The following SGCZ variants were observed in gnomAD, a reference collection of about 807,000 sequenced individuals.
SGCZ encodes zeta-sarcoglycan.
A neutral mutation model predicts 41.3 loss-of-function variants in SGCZ; 40 were observed. The ratio of observed to expected loss-of-function variants is 0.97; its 90% CI spans 0.75 to 1.26. SGCZ has a LOEUF of 1.26. SGCZ is among the 50% of genes most tolerant of loss of function. The probability of loss-of-function intolerance (pLI) is 0.00; values close to 1 mark genes in which losing one functional copy is unlikely to be tolerated. For missense variants in SGCZ, 552 were observed against 369.8 expected (o/e 1.49, Z -4.04); for synonymous variants, 206 against 137.5 (o/e 1.50, Z -3.49).
At chr8:15,079,140 A>C (rs73522889) in intron 1 of SGCZ, among the ~76,000 whole-genome samples, 2 of 152,204 alleles carry the variant, frequency 1.3e-5, no homozygotes, top group Admixed American at 1.3e-4. Context: ...TGACTTTTAC[A>C]TTCTTTTTTG....
At chr8:14,656,241 C>T (rs998987124) in intron 1 of SGCZ, among the ~76,000 whole-genome samples, 8 of 151,958 alleles carry the variant, frequency 5.3e-5, no homozygotes, top group African/African-American at 1.7e-4. Flanking sequence ...GTTTCCACAT[C>T]CTCACCAGAA....
chr8:14,215,736 A>T (rs1470433505), intron 4 of SGCZ, among the ~76,000 whole-genome samples: 1 of 152,198 alleles, frequency 6.6e-6, no homozygotes, highest in Admixed American at 6.5e-5. Context: ...TGTACATATA[A>T]AAATAAAACA....
intron 1 of SGCZ, among the ~76,000 whole-genome samples, chr8:14,557,155 G>A (rs1325464037): frequency 6.6e-6 from 1 of 151,826 alleles, no homozygotes; most frequent in Non-Finnish European, 1.5e-5. Context: ...ATTGCATTGT[G>A]GTTTTTATAT....
At chr8:14,396,381 T>C (rs952699287) in intron 2 of SGCZ, among the ~76,000 whole-genome samples, 28 of 152,164 alleles carry the variant, frequency 1.8e-4, no homozygotes, top group African/African-American at 6.3e-4. Context: ...GAGTGATAAC[T>C]GAACAATGGT....
At chr8:14,798,476 C>T (rs1014500375) in intron 1 of SGCZ, among the ~76,000 whole-genome samples, 2 of 151,950 alleles carry the variant, frequency 1.3e-5, no homozygotes, top group African/African-American at 2.4e-5. Context: ...TTACAGAAGA[C>T]AGAAAAATAA....
At chr8:14,963,769 T>C (rs530775261) in intron 1 of SGCZ, among the ~76,000 whole-genome samples, 6 of 152,334 alleles carry the variant, frequency 3.9e-5, no homozygotes, top group South Asian at 2.1e-4. Context: ...GTCATCCCTT[T>C]CAGCCGTATT....
rs773689194 is a variant in SGCZ, at chr8:15,134,347, A to T, written c.39+103238T>A. Reference sequence around the variant, plus strand: ...TTTACTTCCAATAATTTGATTTTAAACCTTAAAGCCTAAACTAAATTACAT... The same window carrying T: ...TTTACTTCCAATAATTTGATTTTAATCCTTAAAGCCTAAACTAAATTACAT... On this transcript the variant is annotated intron_variant, in intron 1 of 7. Coordinates refer to ENST00000382080, the MANE Select transcript of SGCZ (RefSeq NM_139167.4). 3.8e-4 allele frequency among the ~76,000 whole-genome samples: 57 copies of T among 151,296 alleles called. 1 individual carries two copies. Among genetic ancestry groups the T allele is most frequent in the Admixed American group, 1.6e-3 (25 of 15,166 alleles).
chr8:14,145,701 A>G (rs1214536876), intron 5 of SGCZ, among the ~76,000 whole-genome samples: 1 of 152,226 alleles, frequency 6.6e-6, no homozygotes, highest in African/African-American at 2.4e-5. Context: ...GAAATTCAAG[A>G]TAACACAGAT....
chr8:15,203,106 T>A (rs1008980353), intron 1 of SGCZ, among the ~76,000 whole-genome samples: 14 of 151,692 alleles, frequency 9.2e-5, no homozygotes, highest in Middle Eastern at 3.4e-3. Context: ...CAAGACTCAG[T>A]CTCAAAAAAC....
intron 2 of SGCZ, among the ~76,000 whole-genome samples, chr8:14,495,099 G>C (rs77378117): frequency 0.025 from 3,829 of 152,148 alleles, 111 homozygotes; most frequent in African/African-American, 0.068. Flanking sequence ...GGATTGTTTC[G>C]TACCTCTCAA....
chr8:14,944,318 T>A (rs1465805040), intron 1 of SGCZ, among the ~76,000 whole-genome samples: 4 of 152,280 alleles, frequency 2.6e-5, no homozygotes, highest in African/African-American at 9.6e-5. Context: ...AACATAAATG[T>A]GGCTTTGTTG....
chr8:14,632,791 C>T (rs539538315), intron 1 of SGCZ, among the ~76,000 whole-genome samples: 6 of 151,676 alleles, frequency 4.0e-5, no homozygotes, highest in South Asian at 2.1e-4. Flanking sequence ...AACGGGTCAT[C>T]CTATAAGATA....
At chr8:14,853,474 T>C (rs182042712) in intron 1 of SGCZ, 1 of 533,114 alleles carries the variant, frequency 1.9e-6, no homozygotes, top group South Asian at 1.4e-5. Flanking sequence ...CTGATTAATA[T>C]CCACCCAAAG....
chr8:15,194,362 C>G (rs919425905), intron 1 of SGCZ, among the ~76,000 whole-genome samples: 4 of 152,108 alleles, frequency 2.6e-5, no homozygotes, highest in African/African-American at 9.7e-5. Flanking sequence ...CAGGTAGATA[C>G]AAACTTCAAA....
At chr8:14,358,526 G>A (rs181099489) in intron 2 of SGCZ, among the ~76,000 whole-genome samples, 3 of 151,940 alleles carry the variant, frequency 2.0e-5, no homozygotes, top group Non-Finnish European at 4.4e-5. Flanking sequence ...TTATTAAACA[G>A]GTTATTAAAA....
intron 1 of SGCZ, among the ~76,000 whole-genome samples, chr8:14,984,366 C>G (rs145620329): frequency 5.2e-4 from 79 of 152,242 alleles, no homozygotes; most frequent in African/African-American, 1.8e-3. Context: ...TCAGTATCTA[C>G]ATTTCCCTGA....
intron 1 of SGCZ, among the ~76,000 whole-genome samples, chr8:15,049,310 G>C (rs946987913): frequency 2.0e-5 from 3 of 152,102 alleles, no homozygotes; most frequent in African/African-American, 7.2e-5. Context: ...CTTTAAGGAG[G>C]AGTTTGGTCT....
chr8:15,237,716 C>G lies in SGCZ; in HGVS notation c.-93G>C. 1 of 1,378,476 alleles carries G rather than the reference C, an allele frequency of 7.3e-7. No individual in the cohort carries two copies. The highest frequency in any genetic ancestry group is 1.0e-6 in the Non-Finnish European group (1 of 991,924). 85.4% of individuals were successfully genotyped at this position (1,378,476 alleles called of 1,614,324 possible). ...TTTCCAGCTTAAACTCAGCTTTATC[C>G]TCCTCCAAGCCCCGGCAGCTCCTCT... On this transcript the variant is annotated 5_prime_UTR_variant, in exon 1 of 8. Transcript: ENST00000382080.
At chr8:14,881,411 T>C (rs1804584085) in intron 1 of SGCZ, among the ~76,000 whole-genome samples, 1 of 152,108 alleles carries the variant, frequency 6.6e-6, no homozygotes, top group South Asian at 2.1e-4. Flanking sequence ...AGAAAGCAGA[T>C]TCTAAGATAG....
Sources: allele counts gnomAD v4.1 joint callset (sites outside exome capture counted in the v4.1 genomes callset), GRCh38; gene constraint gnomAD v4.1.1; transcripts MANE v1.5; gene names NCBI Gene and HGNC (gene_info 2026-07-23, HGNC 2026-07-21).